RIGI: variants seen among roughly 807,000 people sequenced by gnomAD.
The protein encoded by RIGI is RNA sensor RIG-I.
At chr9:32,512,542 T>G in the RIGI span, among the ~76,000 whole-genome samples, 13 of 152,138 alleles carry the variant, frequency 8.5e-5, no homozygotes, top group African/African-American at 3.1e-4. Flanking sequence ...AAACTCTCAA[T>G]AAACTAGGTA....
the RIGI span, among the ~76,000 whole-genome samples, chr9:32,516,631 A>G: frequency 6.6e-6 from 1 of 152,188 alleles, no homozygotes; most frequent in Admixed American, 6.5e-5. Context: ...AGACAGCAAG[A>G]TCTGCTCAAT....
chr9:32,481,154 C>T, the RIGI span, among the ~76,000 whole-genome samples: 1 of 152,100 alleles, frequency 6.6e-6, no homozygotes, highest in African/African-American at 2.4e-5. Context: ...TATGAAATTT[C>T]AGAAAGGAAA....
the RIGI span, chr9:32,485,025 T>C: frequency 1.8e-6 from 1 of 558,116 alleles, no homozygotes. Flanking sequence ...GGAGGACATA[T>C]AAGGCTCCTA....
chr9:32,477,836 A>C, the RIGI span, among the ~76,000 whole-genome samples: 1 of 152,028 alleles, frequency 6.6e-6, no homozygotes, highest in African/African-American at 2.4e-5. Flanking sequence ...GAGGCAGGAG[A>C]ATCACTTGAA....
the RIGI span, chr9:32,487,717 G>T: frequency 6.6e-7 from 1 of 1,512,308 alleles, no homozygotes; most frequent in Non-Finnish European, 8.9e-7. Flanking sequence ...TTCCTGCTGG[G>T]GTAGGGCGTT....
At chr9:32,473,286 C>CTTTT in the RIGI span, among the ~76,000 whole-genome samples, 33 of 122,510 alleles carry the variant, frequency 2.7e-4, no homozygotes, top group Admixed American at 3.7e-4. Flanking sequence ...ATCTCTAAGA[C>CTTTT]TTTTTTTTTT....
the RIGI span, chr9:32,467,836 A>G: frequency 9.3e-6 from 15 of 1,613,846 alleles, no homozygotes; most frequent in African/African-American, 1.3e-4. Flanking sequence ...TGCAATGTCA[A>G]TGCCTTCATC....
the RIGI span, among the ~76,000 whole-genome samples, chr9:32,474,501 T>A: frequency 6.6e-6 from 1 of 152,202 alleles, no homozygotes; most frequent in Non-Finnish European, 1.5e-5. Context: ...CAAGATGAAG[T>A]TATGACTGTG....
chr9:32,475,409 C>T, the RIGI span, among the ~76,000 whole-genome samples: 1 of 152,104 alleles, frequency 6.6e-6, no homozygotes, highest in Non-Finnish European at 1.5e-5. Flanking sequence ...TCAAGACTTA[C>T]TATCAAGCTA....
At chr9:32,459,335 A>G in the RIGI span, 2 of 1,604,504 alleles carry the variant, frequency 1.2e-6, no homozygotes, top group Non-Finnish European at 8.5e-7. Flanking sequence ...GCTAGTGCTA[A>G]AACATGACCA....
At chr9:32,480,208 ACAC>A in the RIGI span, 2 of 1,587,856 alleles carry the variant, frequency 1.3e-6, no homozygotes, top group Non-Finnish European at 8.6e-7. Flanking sequence ...TCCTCTGAAA[ACAC>A]CACTCACCTT....
the RIGI span, among the ~76,000 whole-genome samples, chr9:32,499,098 A>C: frequency 6.6e-6 from 1 of 151,770 alleles, no homozygotes; most frequent in African/African-American, 2.4e-5. Context: ...CTGTGTTCCT[A>C]ATTTACAATT....
the RIGI span, among the ~76,000 whole-genome samples, chr9:32,465,050 A>G: frequency 6.6e-6 from 1 of 152,210 alleles, no homozygotes; most frequent in Middle Eastern, 3.2e-3. Context: ...CTAGGAGAAG[A>G]GATAAAAATT....
At chr9:32,485,633 C>G in the RIGI span, 1 of 401,610 alleles carries the variant, frequency 2.5e-6, no homozygotes. Flanking sequence ...CTCCGTCTCC[C>G]AGGTTCAAGT....
the RIGI span, among the ~76,000 whole-genome samples, chr9:32,502,509 A>G: frequency 6.6e-6 from 1 of 152,216 alleles, no homozygotes; most frequent in Non-Finnish European, 1.5e-5. Context: ...CACATCCTTG[A>G]CAGTACTTCT....
the RIGI span, chr9:32,476,908 C>T: frequency 7.7e-7 from 1 of 1,305,308 alleles, no homozygotes; most frequent in Non-Finnish European, 1.1e-6. Context: ...AGGCGTGAGA[C>T]ACCATACCCA....
At chr9:32,516,957 G>C in the RIGI span, among the ~76,000 whole-genome samples, 1 of 152,218 alleles carries the variant, frequency 6.6e-6, no homozygotes, top group African/African-American at 2.4e-5. Flanking sequence ...TTTGTTGATT[G>C]TATGTGTCAA....
the RIGI span, among the ~76,000 whole-genome samples, chr9:32,525,332 T>C: frequency 1.3e-5 from 2 of 152,214 alleles, no homozygotes; most frequent in Non-Finnish European, 2.9e-5. Context: ...AGCAACAGCA[T>C]CGGGTGCTCT....
the RIGI span, among the ~76,000 whole-genome samples, chr9:32,468,414 A>G: frequency 6.6e-6 from 1 of 152,212 alleles, no homozygotes; most frequent in African/African-American, 2.4e-5. Flanking sequence ...GCCTATAGTC[A>G]TAACACTTTA....
Sources: gnomAD v4.1 joint callset for allele counts (sites outside exome capture counted in the v4.1 genomes callset) on GRCh38, gnomAD v4.1.1 for gene constraint, MANE v1.5 for transcripts, NCBI Gene and HGNC (gene_info 2026-07-23, HGNC 2026-07-21) for gene names.